PTPRD: variants seen among roughly 807,000 people sequenced by gnomAD.
PTPRD encodes protein tyrosine phosphatase receptor type D, also known as receptor-type tyrosine-protein phosphatase delta.
A neutral mutation model predicts 214.5 loss-of-function variants in PTPRD; 34 were observed. The observed-to-expected ratio is 0.16, with a 90% confidence interval of 0.12 to 0.21. The LOEUF is 0.21. Among genes scored for constraint, PTPRD ranks in the 10% least tolerant of loss-of-function variants. The pLI is 1.00. For synonymous variants in PTPRD, 1,128 were observed against 845.7 expected (o/e 1.33, Z -5.79); for missense variants, 2,545 against 2,398.7 (o/e 1.06, Z -1.27).
chr9:8,364,228 T>C (rs2079203997), intron 39 of PTPRD, among the ~76,000 whole-genome samples: 6 of 152,192 alleles, frequency 3.9e-5, no homozygotes, highest in Admixed American at 3.9e-4. Flanking sequence ...ACATCTACAA[T>C]GGAATCAAGA....
chr9:8,356,890 C>T (rs1654204904), intron 39 of PTPRD, among the ~76,000 whole-genome samples: 1 of 152,020 alleles, frequency 6.6e-6, no homozygotes, highest in South Asian at 2.1e-4. Context: ...AATTACAGCA[C>T]TTATAGTTTA....
At chr9:9,202,533 C>T (rs892983874) in intron 9 of PTPRD, among the ~76,000 whole-genome samples, 5 of 152,172 alleles carry the variant, frequency 3.3e-5, no homozygotes, top group African/African-American at 9.7e-5. Flanking sequence ...GGCCACATTA[C>T]ATCAGATGCA....
intron 8 of PTPRD, among the ~76,000 whole-genome samples, chr9:9,570,382 C>T (rs1181886434): frequency 6.6e-6 from 1 of 151,462 alleles, no homozygotes; most frequent in Admixed American, 6.6e-5. Context: ...TTTCCCCAAG[C>T]CCTGTCACCA....
chr9:9,669,055 C>G (rs1193257657), intron 7 of PTPRD, among the ~76,000 whole-genome samples: 1 of 152,044 alleles, frequency 6.6e-6, no homozygotes, highest in Non-Finnish European at 1.5e-5. Context: ...CTTAAATAAT[C>G]TCTTTATTCT....
At chr9:10,042,387 A>G (rs1023312082) in intron 3 of PTPRD, among the ~76,000 whole-genome samples, 3 of 151,962 alleles carry the variant, frequency 2.0e-5, no homozygotes, top group Non-Finnish European at 2.9e-5. Context: ...TAGATTGCCA[A>G]CTTACACAAA....
At chr9:8,352,435 G>T (rs548935854) in intron 39 of PTPRD, among the ~76,000 whole-genome samples, 1 of 152,216 alleles carries the variant, frequency 6.6e-6, no homozygotes, top group South Asian at 2.1e-4. Context: ...AACCATACCA[G>T]CTCACTCCGT....
rs369769705 is a variant in PTPRD at position 8,631,002 on chromosome 9, T to A, written c.352+2315A>T. 6.6e-5 allele frequency among the ~76,000 whole-genome samples: 10 copies of A among 152,036 alleles called. No homozygotes were observed. In the South Asian group the frequency reaches 1.4e-3, roughly 22 times the overall value. On this transcript the variant is annotated intron_variant, in intron 14 of 45. Coordinates refer to ENST00000381196, the MANE Select transcript of PTPRD (RefSeq NM_002839.4). ...GTACCTTTTTAATATACCTTCTATA[T>A]GATGGCACTGATTCTAAACTAGGTA...
At chr9:9,073,631 C>T (rs1455679398) in intron 10 of PTPRD, among the ~76,000 whole-genome samples, 4 of 152,106 alleles carry the variant, frequency 2.6e-5, no homozygotes, top group Non-Finnish European at 4.4e-5. Flanking sequence ...ACCTTAGTTT[C>T]GAGCCTTCAG....
chr9:10,502,077 A>C (rs73644475), intron 2 of PTPRD, among the ~76,000 whole-genome samples: 1 of 151,974 alleles, frequency 6.6e-6, no homozygotes, highest in East Asian at 1.9e-4. Flanking sequence ...ATAGTGTGCT[A>C]TTGTGAAAGA....
chr9:9,042,884 T>C (rs1156938881), intron 10 of PTPRD, among the ~76,000 whole-genome samples: 1 of 152,132 alleles, frequency 6.6e-6, no homozygotes, highest in African/African-American at 2.4e-5. Flanking sequence ...GTAGCTGCAG[T>C]ATCTGGTCTG....
intron 11 of PTPRD, among the ~76,000 whole-genome samples, chr9:8,856,580 G>C (rs912610959): frequency 1.3e-5 from 2 of 152,152 alleles, no homozygotes; most frequent in African/African-American, 4.8e-5. Flanking sequence ...CAAGGAGAAC[G>C]AGCCCTCAGG....
At chr9:9,704,124 T>G (rs2097552094) in intron 7 of PTPRD, among the ~76,000 whole-genome samples, 1 of 152,188 alleles carries the variant, frequency 6.6e-6, no homozygotes, top group African/African-American at 2.4e-5. Flanking sequence ...AAAATTTATA[T>G]GTTAATTTTC....
At chr9:10,166,005 A>G (rs2099156710) in intron 3 of PTPRD, among the ~76,000 whole-genome samples, 1 of 149,940 alleles carries the variant, frequency 6.7e-6, no homozygotes, top group African/African-American at 2.4e-5. Flanking sequence ...ATACAAAAGT[A>G]TTTATATATA....
intron 2 of PTPRD, among the ~76,000 whole-genome samples, chr9:10,587,489 A>C (rs983821146): frequency 3.9e-5 from 6 of 152,090 alleles, no homozygotes; most frequent in African/African-American, 1.2e-4. Context: ...ATAATAAGTA[A>C]GGAGAGTTGC....
chr9:9,767,774 T>C (rs549105808), intron 5 of PTPRD, among the ~76,000 whole-genome samples: 1 of 152,266 alleles, frequency 6.6e-6, no homozygotes, highest in African/African-American at 2.4e-5. Context: ...AAAATAGAAG[T>C]ATAAGCAATT....
At chr9:10,153,007 G>T (rs1335538127) in intron 3 of PTPRD, among the ~76,000 whole-genome samples, 1 of 152,170 alleles carries the variant, frequency 6.6e-6, no homozygotes, top group Non-Finnish European at 1.5e-5. Flanking sequence ...CAGTTATCAG[G>T]GGCTGATGGG....
At chr9:10,317,979 TG>T (rs2096476066) in intron 3 of PTPRD, among the ~76,000 whole-genome samples, 1 of 152,094 alleles carries the variant, frequency 6.6e-6, no homozygotes, top group South Asian at 2.1e-4. Context: ...TTGCATGTCC[TG>T]TTTTTTTATC....
intron 3 of PTPRD, among the ~76,000 whole-genome samples, chr9:10,310,335 C>T (rs922872625): frequency 6.6e-6 from 1 of 151,836 alleles, no homozygotes; most frequent in Non-Finnish European, 1.5e-5. Context: ...CTTCTCTTGC[C>T]CCCTGCCAAC....
chr9:9,176,141 G>T (rs1349924428), intron 10 of PTPRD, among the ~76,000 whole-genome samples: 1 of 152,136 alleles, frequency 6.6e-6, no homozygotes, highest in Admixed American at 6.5e-5. Context: ...AGAGCATGAG[G>T]CAGATAAACT....
Sources: allele counts gnomAD v4.1 joint callset (sites outside exome capture counted in the v4.1 genomes callset), GRCh38; gene constraint gnomAD v4.1.1; transcripts MANE v1.5; gene names NCBI Gene and HGNC (gene_info 2026-07-23, HGNC 2026-07-21).